SV2C: variants seen among roughly 807,000 people sequenced by gnomAD.
SV2C encodes the protein synaptic vesicle glycoprotein 2C.
SV2C carries 49 observed loss-of-function variants against 79.7 expected under a neutral mutation model. The ratio of observed to expected loss-of-function variants is 0.61; its 90% CI spans 0.49 to 0.78. SV2C has a LOEUF of 0.78. Among genes scored for constraint, SV2C ranks in the 30% least tolerant of loss-of-function variants. The pLI, the probability that SV2C is intolerant of heterozygous loss-of-function variation, is 0.00. For synonymous variants in SV2C, 334 were observed against 333.2 expected, an observed-to-expected ratio of 1.00 and a Z score of -0.03; for missense variants, 833 against 912.9, an observed-to-expected ratio of 0.91 and a Z score of 1.13.
chr5:76,262,842 T>C (rs1394908884), intron 4 of SV2C, among the ~76,000 whole-genome samples: 1 of 152,226 alleles, frequency 6.6e-6, no homozygotes, highest in African/African-American at 2.4e-5. Context: ...AGGAGTGTTT[T>C]ACTTCCAATT....
the SV2C span, among the ~76,000 whole-genome samples, chr5:75,867,465 G>A: frequency 6.6e-6 from 1 of 152,164 alleles, no homozygotes; most frequent in Non-Finnish European, 1.5e-5. Flanking sequence ...GAGAAGGAAA[G>A]GAGAAGGGGA....
chr5:76,139,954 C>G (rs1404358787), intron 2 of SV2C, among the ~76,000 whole-genome samples: 2 of 65,730 alleles, frequency 3.0e-5, no homozygotes, highest in African/African-American at 7.5e-5. Context: ...ACTGCAAGCT[C>G]CGTAGAAGCT....
At chr5:75,883,777 T>A in the SV2C span, among the ~76,000 whole-genome samples, 1 of 150,966 alleles carries the variant, frequency 6.6e-6, no homozygotes. Context: ...GCCTGGCACA[T>A]GTATACATAT....
At chr5:76,096,627 G>A (rs906619686) in intron 1 of SV2C, among the ~76,000 whole-genome samples, 5 of 152,156 alleles carry the variant, frequency 3.3e-5, no homozygotes, top group Non-Finnish European at 7.4e-5. Flanking sequence ...GTGATGCCTT[G>A]TGATGATTAG....
At chr5:76,213,948 C>T (rs1309610476) in intron 4 of SV2C, among the ~76,000 whole-genome samples, 4 of 152,120 alleles carry the variant, frequency 2.6e-5, no homozygotes, top group African/African-American at 4.8e-5. Flanking sequence ...TTTCACATAT[C>T]GGTGAGTTTG....
intron 2 of SV2C, among the ~76,000 whole-genome samples, chr5:76,191,976 A>G (rs1744118027): frequency 6.6e-6 from 1 of 152,172 alleles, no homozygotes; most frequent in Non-Finnish European, 1.5e-5. Flanking sequence ...GTCCCAGGGG[A>G]GGTGAGCAGC....
At chr5:75,933,435 A>T in the SV2C span, among the ~76,000 whole-genome samples, 1 of 152,128 alleles carries the variant, frequency 6.6e-6, no homozygotes, top group African/African-American at 2.4e-5. Flanking sequence ...CCCCTAGTTG[A>T]TATTCAATAA....
intron 4 of SV2C, among the ~76,000 whole-genome samples, chr5:76,279,304 C>T (rs1383922139): frequency 6.6e-6 from 1 of 152,176 alleles, no homozygotes; most frequent in African/African-American, 2.4e-5. Flanking sequence ...ATTTCAGAGA[C>T]AGTGGCATGC....
At chr5:75,893,478 A>G in the SV2C span, among the ~76,000 whole-genome samples, 1 of 152,132 alleles carries the variant, frequency 6.6e-6, no homozygotes, top group African/African-American at 2.4e-5. Flanking sequence ...TGTTACCCTA[A>G]GCAAATCAAT....
the SV2C span, among the ~76,000 whole-genome samples, chr5:75,890,358 G>C: frequency 2.0e-5 from 3 of 152,082 alleles, no homozygotes; most frequent in Non-Finnish European, 4.4e-5. Context: ...AGGATAGTGT[G>C]TCAATCACTT....
At chr5:76,022,616 T>A in the SV2C span, among the ~76,000 whole-genome samples, 1 of 152,138 alleles carries the variant, frequency 6.6e-6, no homozygotes, top group Non-Finnish European at 1.5e-5. Context: ...CAGGGATAAT[T>A]TTTGGGAACC....
At chr5:75,960,451 C>T in the SV2C span, among the ~76,000 whole-genome samples, 1 of 151,954 alleles carries the variant, frequency 6.6e-6, no homozygotes, top group Non-Finnish European at 1.5e-5. Context: ...TAGCACAATG[C>T]ATTACTTTTT....
the SV2C span, among the ~76,000 whole-genome samples, chr5:76,057,642 C>T: frequency 6.6e-6 from 1 of 152,044 alleles, no homozygotes; most frequent in African/African-American, 2.4e-5. Flanking sequence ...CTTAAACAAG[C>T]TATTTAAATG....
the SV2C span, among the ~76,000 whole-genome samples, chr5:75,883,882 A>G: frequency 1.3e-5 from 2 of 151,852 alleles, no homozygotes; most frequent in African/African-American, 4.8e-5. Context: ...TTTCAGGTGT[A>G]TTTCTGGTTT....
intron 6 of SV2C, 104 bp from the exon 7 acceptor site, chr5:76,291,117 T>C: frequency 3.0e-6 from 2 of 673,490 alleles, no homozygotes. Context: ...TACCGCCTAC[T>C]TCTTGCCGGA....
chr5:76,007,634 T>C, the SV2C span, among the ~76,000 whole-genome samples: 1 of 152,254 alleles, frequency 6.6e-6, no homozygotes, highest in Non-Finnish European at 1.5e-5. Flanking sequence ...AGGAATATCT[T>C]CCCTTGTATT....
the SV2C span, among the ~76,000 whole-genome samples, chr5:76,048,965 G>GAGAAAGAAAGAAAGAAAGAA: frequency 0.072 from 4,186 of 58,114 alleles, 250 homozygotes; most frequent in East Asian, 0.075. Flanking sequence ...GAAAGAAAAA[G>GAGAAAGAAAGAAAGAAAGAA]AGAAAGAAAG....
At chr5:76,051,186 TA>T in the SV2C span, among the ~76,000 whole-genome samples, 1 of 151,840 alleles carries the variant, frequency 6.6e-6, no homozygotes, top group Non-Finnish European at 1.5e-5. Flanking sequence ...TTAGCTAATA[TA>T]AAAAAAAGTT....
chr5:76,093,603 C>T (rs917084340), intron 1 of SV2C, among the ~76,000 whole-genome samples: 1 of 152,174 alleles, frequency 6.6e-6, no homozygotes, highest in Non-Finnish European at 1.5e-5. Context: ...TTCTTCTTAT[C>T]CTCCAAATAT....
Sources: allele counts gnomAD v4.1 joint callset (sites outside exome capture counted in the v4.1 genomes callset), GRCh38; gene constraint gnomAD v4.1.1; transcripts MANE v1.5; gene names NCBI Gene and HGNC (gene_info 2026-07-23, HGNC 2026-07-21).